PLD1: variants seen among roughly 807,000 people sequenced by gnomAD.
PLD1 encodes phospholipase D1, also known as choline phosphatase 1.
Under a neutral mutation model 137.1 loss-of-function variants are expected in PLD1, and 112 were observed. The ratio of observed to expected loss-of-function variants is 0.82; its 90% CI spans 0.70 to 0.96. The LOEUF is 0.96. Among genes scored for constraint, PLD1 ranks in the 40% least tolerant of loss-of-function variants. The probability of loss-of-function intolerance (pLI) is 0.00; values close to 1 mark genes in which losing one functional copy is unlikely to be tolerated. For missense variants in PLD1, 1,321 were observed against 1,342.0 expected (o/e 0.98, Z 0.24); for synonymous variants, 431 against 454.7 (o/e 0.95, Z 0.66).
intron 21 of PLD1, among the ~76,000 whole-genome samples, chr3:171,654,545 T>C (rs1737039020): frequency 2.0e-5 from 3 of 152,166 alleles, no homozygotes; most frequent in African/African-American, 7.2e-5. Context: ...TGTGCAAAGA[T>C]CTGAGAATCT....
At chr3:171,605,822 CA>C (rs1732159922) in intron 25 of PLD1, among the ~76,000 whole-genome samples, 1 of 152,148 alleles carries the variant, frequency 6.6e-6, no homozygotes, top group African/African-American at 2.4e-5. Context: ...AGTTAGAACT[CA>C]AACTGAGGGC....
chr3:171,659,177 C>T (rs776715766), intron 21 of PLD1, 36 bp downstream of exon 21: 2 of 1,300,896 alleles, frequency 1.5e-6, no homozygotes, highest in African/African-American at 1.5e-5. Flanking sequence ...AATACAAGAA[C>T]ATCTGCAGCG....
chr3:171,679,873 C>T (rs1384419782), intron 16 of PLD1, among the ~76,000 whole-genome samples: 6 of 152,094 alleles, frequency 3.9e-5, no homozygotes, highest in African/African-American at 1.4e-4. Context: ...TGAGTGTGGT[C>T]GAGAGGACTT....
At chr3:171,628,629 C>T (rs1397368159) in intron 23 of PLD1, among the ~76,000 whole-genome samples, 7 of 151,342 alleles carry the variant, frequency 4.6e-5, no homozygotes, top group Admixed American at 6.6e-5. Context: ...ACTGGCAAAC[C>T]GAATCCAGCA....
chr3:171,754,878 T>C (rs148618737), intron 1 of PLD1, among the ~76,000 whole-genome samples: 1 of 152,164 alleles, frequency 6.6e-6, no homozygotes, highest in Admixed American at 6.5e-5. Context: ...TCCTATCTGG[T>C]GAGACAGCTG....
intron 1 of PLD1, chr3:171,788,572 C>A (rs1302020681): frequency 6.6e-6 from 1 of 152,040 alleles, no homozygotes; most frequent in Non-Finnish European, 1.5e-5. Flanking sequence ...AATATAACAA[C>A]AAATAAAACA....
At chr3:171,631,170 T>G (rs1305822659) in intron 23 of PLD1, among the ~76,000 whole-genome samples, 1 of 152,148 alleles carries the variant, frequency 6.6e-6, no homozygotes, top group Non-Finnish European at 1.5e-5. Flanking sequence ...ATTACAGACA[T>G]TTGAGTGTAT....
intron 6 of PLD1, 131 bp downstream of exon 6, chr3:171,733,313 A>C: frequency 1.9e-6 from 1 of 539,676 alleles, no homozygotes; most frequent in Non-Finnish European, 3.3e-6. Context: ...GTATTCACTT[A>C]ATTTATTTTA....
chr3:171,630,358 G>A (rs1218326449), intron 23 of PLD1, among the ~76,000 whole-genome samples: 3 of 145,152 alleles, frequency 2.1e-5, no homozygotes, highest in Admixed American at 2.0e-4. Context: ...AAAAAGTCAG[G>A]AAACAACAGG....
chr3:171,606,255 T>G (rs1420833632), intron 25 of PLD1, among the ~76,000 whole-genome samples: 2 of 152,176 alleles, frequency 1.3e-5, no homozygotes, highest in African/African-American at 4.8e-5. Context: ...GTAGTCGCCT[T>G]TAGCTGAGAT....
chr3:171,788,980 G>A (rs1053657346), intron 1 of PLD1: 6 of 152,180 alleles, frequency 3.9e-5, no homozygotes, highest in South Asian at 2.1e-4. Flanking sequence ...CTGAGAATTC[G>A]AGGATGAATA....
chr3:171,733,298 A>G (rs1719086806), intron 6 of PLD1, 146 bp downstream of exon 6: 1 of 531,166 alleles, frequency 1.9e-6, no homozygotes, highest in East Asian at 3.2e-5. Flanking sequence ...TGTAAAATCA[A>G]CTTTGTATTC....
chr3:171,804,537 C>T (rs1176827689), intron 1 of PLD1, among the ~76,000 whole-genome samples: 1 of 152,206 alleles, frequency 6.6e-6, no homozygotes, highest in African/African-American at 2.4e-5. Flanking sequence ...AAAACACAGT[C>T]TGTGACCTCA....
intron 25 of PLD1, among the ~76,000 whole-genome samples, chr3:171,607,599 AC>A (rs1732308826): frequency 6.6e-6 from 1 of 152,114 alleles, no homozygotes; most frequent in African/African-American, 2.4e-5. Flanking sequence ...TTGAGAGAAA[AC>A]TAGTTTAATT....
At chr3:171,693,698 G>T (rs1375722062) in intron 12 of PLD1, among the ~76,000 whole-genome samples, 1 of 151,794 alleles carries the variant, frequency 6.6e-6, no homozygotes, top group African/African-American at 2.4e-5. Flanking sequence ...ATGACACCTG[G>T]CATTTAATAT....
At chr3:171,731,239 C>CT (rs758169333) in intron 6 of PLD1, among the ~76,000 whole-genome samples, 17 of 152,060 alleles carry the variant, frequency 1.1e-4, no homozygotes, top group Non-Finnish European at 2.4e-4. Context: ...TTTTAATATG[C>CT]TTTTTACAGA....
At chr3:171,669,455 G>A (rs1444773645) in intron 19 of PLD1, among the ~76,000 whole-genome samples, 2 of 152,178 alleles carry the variant, frequency 1.3e-5, no homozygotes, top group African/African-American at 4.8e-5. Context: ...AGGCTGGAGT[G>A]CAGTGGTGTA....
chr3:171,764,921 AAAGG>A (rs1560289082), intron 1 of PLD1, among the ~76,000 whole-genome samples: 1 of 29,450 alleles, frequency 3.4e-5, no homozygotes, highest in African/African-American at 1.2e-4. Flanking sequence ...GGAAAGAAAG[AAAGG>A]AAAGAAAGGA....
At chr3:171,701,526 T>C (rs1388762949) in intron 11 of PLD1, among the ~76,000 whole-genome samples, 2 of 152,254 alleles carry the variant, frequency 1.3e-5, no homozygotes, top group African/African-American at 4.8e-5. Flanking sequence ...TCATCATTTA[T>C]TTCATTTAAT....
Sources: allele counts gnomAD v4.1 joint callset (sites outside exome capture counted in the v4.1 genomes callset), GRCh38; gene constraint gnomAD v4.1.1; transcripts MANE v1.5; gene names NCBI Gene and HGNC (gene_info 2026-07-23, HGNC 2026-07-21).